Variants in ACACB observed in about 807,000 individuals in gnomAD.
ACACB encodes acetyl-CoA carboxylase 2.
Under a neutral mutation model 278.8 loss-of-function variants are expected in ACACB, and 209 were observed. The ratio of observed to expected loss-of-function variants is 0.75; its 90% CI spans 0.67 to 0.84. ACACB has a LOEUF of 0.84. ACACB is among the 40% of genes least tolerant of loss of function. The probability of loss-of-function intolerance (pLI) is 0.00; values close to 1 mark genes in which losing one functional copy is unlikely to be tolerated. For synonymous variants in ACACB, 1,174 were observed against 1,285.6 expected, an observed-to-expected ratio of 0.91 and a Z score of 1.86; for missense variants, 2,850 against 3,269.0, an observed-to-expected ratio of 0.87 and a Z score of 3.13.
Position 109,199,145 on chromosome 12 carries a change from G to A in ACACB, c.2628-257G>A, listed in dbSNP as rs946885868. ...GCGGAGCTTGCAGTGAGCCGAGATC[G>A]CGCCACTGCACTCCAGCCTGGGCAA... is the stretch of plus-strand genomic sequence containing the variant. On this transcript the variant is annotated intron_variant, in intron 17 of 52. Coordinates refer to ENST00000338432, the MANE Select transcript of ACACB (RefSeq NM_001093.4). Among the ~76,000 whole-genome samples, 13 of 151,776 alleles carry A rather than the reference G, an allele frequency of 8.6e-5. No homozygotes were observed. The South Asian group carries it at 1.0e-3, about 12-fold the overall frequency.
At position 109,216,688 on chromosome 12, in the gene ACACB, G is replaced by C; in HGVS notation, c.3421G>C (p.Glu1141Gln). The C allele has an allele frequency of 6.2e-7, 1 of 1,614,182 alleles. No homozygotes were observed. Among genetic ancestry groups the C allele is most frequent in the Non-Finnish European group, 8.5e-7 (1 of 1,180,028 alleles). The part of the protein sequence containing the change: ...LDLLRRYLRV[E>Q]HHFQQAHYDK... ...TCTCCTGAGAAGATACTTGCGTGTT[G>C]AGCACCATTTTCAGCAAGGCAAGAG... Residue 1141 changes from glutamate (E) to glutamine (Q), a missense_variant, in exon 23 of 53, where the codon GAG becomes CAG. This residue lies in a region of ACACB where 2,265 missense variants were observed against 2,561.3 expected (regional missense o/e 0.88). Transcript: ENST00000338432.
intron 2 of ACACB, among the ~76,000 whole-genome samples, chr12:109,146,128 A>C (rs1188097413): frequency 1.3e-5 from 2 of 152,244 alleles, no homozygotes; most frequent in South Asian, 2.1e-4. Flanking sequence ...CTAGAGGTTT[A>C]AGCTAGTCCT....
At chr12:109,245,832 TAATC>T (rs2046926763) in intron 38 of ACACB, 84 bp downstream of exon 38, 1 of 1,524,742 alleles carries the variant, frequency 6.6e-7, no homozygotes, top group African/African-American at 1.4e-5. Flanking sequence ...CTCACACCTG[TAATC>T]CCAGTGCTTT....
chr12:109,198,428 G>T (rs1475364715), intron 17 of ACACB, among the ~76,000 whole-genome samples: 1 of 152,106 alleles, frequency 6.6e-6, no homozygotes, highest in Non-Finnish European at 1.5e-5. Flanking sequence ...TTATTTTAAA[G>T]ACTGGTTCTT....
At position 109,247,718 on chromosome 12, in the gene ACACB, A is replaced by G. The variant is rs1252243881; in HGVS notation, c.5669+15A>G. 1 of 1,593,436 alleles carries G rather than the reference A, an allele frequency of 6.3e-7. No individual in the cohort carries two copies. The highest frequency in any genetic ancestry group is 8.6e-7 in the Non-Finnish European group (1 of 1,162,870). On this transcript the variant is annotated intron_variant, in intron 40 of 52. Transcript: ENST00000338432. ...GGAGAGTCCAGGTAAATAACTTATC[A>G]GGTAGCTCCTTAATTTTGCTCATGG...
At chr12:109,171,050 CTG>C (rs1048772535) in intron 4 of ACACB, among the ~76,000 whole-genome samples, 32 of 125,508 alleles carry the variant, frequency 2.5e-4, no homozygotes, top group Non-Finnish European at 4.9e-4. Flanking sequence ...GACAAAGTCT[CTG>C]TGTGTTGCCC....
At chr12:109,194,938 GTGTAGATTACTGGCA>G (rs1338070660) in intron 16 of ACACB, among the ~76,000 whole-genome samples, 1 of 152,124 alleles carries the variant, frequency 6.6e-6, no homozygotes, top group Non-Finnish European at 1.5e-5. Flanking sequence ...TCTGCACCAC[GTGTAGATTACTGGCA>G]TCTTCCCTGG....
chr12:109,161,689 T>A (rs1305925315), intron 2 of ACACB, among the ~76,000 whole-genome samples: 4 of 151,946 alleles, frequency 2.6e-5, no homozygotes, highest in Admixed American at 2.0e-4. Context: ...GAAAATTTGG[T>A]GTATATATAT....
chr12:109,211,771 A>G (rs756951371), intron 21 of ACACB, among the ~76,000 whole-genome samples: 47 of 152,320 alleles, frequency 3.1e-4, no homozygotes, highest in Middle Eastern at 3.4e-3. Flanking sequence ...TGTACACTTT[A>G]AAGGGAGATG....
At chr12:109,209,438 T>G in intron 21 of ACACB, 85 bp downstream of exon 21, 1 of 1,425,534 alleles carries the variant, frequency 7.0e-7, no homozygotes, top group Non-Finnish European at 9.5e-7. Flanking sequence ...TGGCCTCTGA[T>G]CAAGTTGAAC....
rs11066012 is a variant in ACACB at position 109,261,125 on chromosome 12, T to G, written c.6674+468T>G. Among the ~76,000 whole-genome samples, 341 of 152,266 alleles carry G rather than the reference T, an allele frequency of 2.2e-3. 6 individuals carry two copies. The East Asian group carries it at 0.058, about 26-fold the overall frequency. The stretch of plus-strand genomic sequence containing the variant: ...CTTAGGAGGAATTTATTCCAGAGAT[T>G]CTTACAGAAAGGATGATGACAATAA... On this transcript the variant is annotated intron_variant, in intron 48 of 52. Coordinates refer to ENST00000338432, the MANE Select transcript of ACACB (RefSeq NM_001093.4).
intron 41 of ACACB, among the ~76,000 whole-genome samples, chr12:109,251,709 G>C (rs2047100287): frequency 6.6e-6 from 1 of 152,254 alleles, no homozygotes; most frequent in Middle Eastern, 3.4e-3. Flanking sequence ...TGCACTCCTA[G>C]GTGTCCTTTT....
chr12:109,212,714 A>G, intron 21 of ACACB, 122 bp from the exon 22 acceptor site: 1 of 747,712 alleles, frequency 1.3e-6, no homozygotes, highest in East Asian at 2.5e-5. Context: ...CTGTTCAGCC[A>G]GTTCCTAACA....
intron 2 of ACACB, among the ~76,000 whole-genome samples, chr12:109,159,739 T>C (rs1018089627): frequency 2.6e-5 from 4 of 151,898 alleles, no homozygotes; most frequent in Admixed American, 6.6e-5. Context: ...TCCCCCAAGT[T>C]GTGACAATCA....
chr12:109,111,260 G>A, the ACACB span: 2 of 152,506 alleles, frequency 1.3e-5, no homozygotes, highest in South Asian at 2.1e-4. Context: ...GACCCCAGAG[G>A]GGTAACTAAC....
intron 41 of ACACB, among the ~76,000 whole-genome samples, chr12:109,250,567 G>A (rs914819050): frequency 3.3e-5 from 5 of 152,074 alleles, no homozygotes; most frequent in Non-Finnish European, 5.9e-5. Flanking sequence ...ACTTTAACTG[G>A]CATATAAGGA....
chr12:109,251,687 C>G (rs984252885), intron 41 of ACACB, among the ~76,000 whole-genome samples: 2 of 152,166 alleles, frequency 1.3e-5, no homozygotes, highest in Non-Finnish European at 2.9e-5. Flanking sequence ...TTGAATTTCA[C>G]CAGTTTTTAC....
At chr12:109,150,811 T>C (rs1310306699) in intron 2 of ACACB, among the ~76,000 whole-genome samples, 1 of 152,194 alleles carries the variant, frequency 6.6e-6, no homozygotes, top group Admixed American at 6.5e-5. Context: ...CTATGCATAT[T>C]TTTATGCGCC....
intron 1 of ACACB, among the ~76,000 whole-genome samples, chr12:109,124,308 T>C (rs1331368318): frequency 6.6e-6 from 1 of 152,216 alleles, no homozygotes; most frequent in Non-Finnish European, 1.5e-5. Context: ...ATTTGTCCCG[T>C]AGAATTTTCC....
Sources: allele counts gnomAD v4.1 joint callset (sites outside exome capture counted in the v4.1 genomes callset), GRCh38; gene constraint gnomAD v4.1.1; regional missense constraint gnomAD v4.1.1; transcripts MANE v1.5; gene names NCBI Gene and HGNC (gene_info 2026-07-23, HGNC 2026-07-21).